Variants in METTL8 observed in about 807,000 individuals in gnomAD.
METTL8 encodes the protein tRNA N(3)-cytidine methyltransferase METTL8, mitochondrial.
METTL8 carries 32 observed loss-of-function variants against 48.7 expected under a neutral mutation model. That is an observed-to-expected ratio of 0.66 (90% CI 0.50 to 0.88). METTL8 has a LOEUF of 0.88. METTL8 is among the 40% of genes least tolerant of loss of function. METTL8 has a pLI of 0.00. For synonymous variants in METTL8, 136 were observed against 157.1 expected (o/e 0.87, Z 1.01); for missense variants, 464 against 474.4 (o/e 0.98, Z 0.20).
At chr2:171,416,345 T>C (rs919633973) in intron 1 of METTL8, among the ~76,000 whole-genome samples, 3 of 152,234 alleles carry the variant, frequency 2.0e-5, no homozygotes, top group Non-Finnish European at 4.4e-5. Context: ...TTCACCTTTG[T>C]ATTCTCCAGC....
At chr2:171,344,012 G>A (rs563649810) in intron 3 of METTL8, among the ~76,000 whole-genome samples, 2 of 152,276 alleles carry the variant, frequency 1.3e-5, no homozygotes, top group East Asian at 3.9e-4. Flanking sequence ...GCAATAGTCA[G>A]GGTTTGCTAA....
chr2:171,370,942 A>G (rs1333911394), intron 2 of METTL8, among the ~76,000 whole-genome samples: 1 of 152,214 alleles, frequency 6.6e-6, no homozygotes, highest in East Asian at 1.9e-4. Flanking sequence ...AGTGCTGGGC[A>G]GGTGGACATA....
At chr2:171,344,770 C>T (rs1249908870) in intron 3 of METTL8, among the ~76,000 whole-genome samples, 1 of 152,154 alleles carries the variant, frequency 6.6e-6, no homozygotes, top group Non-Finnish European at 1.5e-5. Flanking sequence ...CTCCATAGTT[C>T]CCAGTAATGT....
At chr2:171,396,336 T>C (rs1689064018) in intron 1 of METTL8, among the ~76,000 whole-genome samples, 1 of 152,132 alleles carries the variant, frequency 6.6e-6, no homozygotes, top group Non-Finnish European at 1.5e-5. Context: ...AGTGTGCTTT[T>C]TGACTATAAT....
At chr2:171,361,493 T>C (rs1685167717) in intron 2 of METTL8, among the ~76,000 whole-genome samples, 1 of 152,158 alleles carries the variant, frequency 6.6e-6, no homozygotes, top group Admixed American at 6.5e-5. Flanking sequence ...CCGACAAACA[T>C]TGAGCAGTTA....
Position 171,354,654 on chromosome 2 carries a change from GT to G in METTL8, c.235+5767del, listed in dbSNP as rs1684324033. Reference sequence around the variant, plus strand: ...CCCATATTACTTGGAGGCTTTGTTCGTTTCTTTTTACTCTTTTTTCTCTAAA... The same window carrying G: ...CCCATATTACTTGGAGGCTTTGTTCGTTCTTTTTACTCTTTTTTCTCTAAA... On this transcript the variant is annotated intron_variant, in intron 3 of 9. Coordinates refer to ENST00000375258, the MANE Select transcript of METTL8 (RefSeq NM_001321154.2). Among the ~76,000 whole-genome samples, 3 of 152,164 alleles carry G rather than the reference GT, an allele frequency of 2.0e-5. No individual in the cohort carries two copies. The South Asian group carries it at 6.2e-4, about 32-fold the overall frequency.
At chr2:171,427,349 T>G (rs375419041) in intron 1 of METTL8, among the ~76,000 whole-genome samples, 1 of 152,208 alleles carries the variant, frequency 6.6e-6, no homozygotes, top group African/African-American at 2.4e-5. Flanking sequence ...TTCCACTCTA[T>G]AGCCATAATG....
chr2:171,427,255 G>A (rs772788573), intron 1 of METTL8, among the ~76,000 whole-genome samples: 5 of 151,942 alleles, frequency 3.3e-5, no homozygotes, highest in Non-Finnish European at 5.9e-5. Flanking sequence ...TACCACTCTA[G>A]TCCAAAACAC....
chr2:171,369,680 T>C (rs1475115648), intron 2 of METTL8, among the ~76,000 whole-genome samples: 1 of 152,198 alleles, frequency 6.6e-6, no homozygotes, highest in East Asian at 1.9e-4. Flanking sequence ...GAGACCAAAA[T>C]GTTTGAAACT....
chr2:171,379,418 C>T (rs982311189), intron 2 of METTL8, among the ~76,000 whole-genome samples: 1 of 151,234 alleles, frequency 6.6e-6, no homozygotes, highest in Non-Finnish European at 1.5e-5. Flanking sequence ...CAGAGCAGAA[C>T]TGAAGGAGAT....
At chr2:171,370,060 C>T (rs1686154933) in intron 2 of METTL8, among the ~76,000 whole-genome samples, 1 of 145,900 alleles carries the variant, frequency 6.9e-6, no homozygotes, top group Admixed American at 6.9e-5. Context: ...AGAGAGACTC[C>T]ATCTCAAAAA....
At chr2:171,425,517 T>C (rs1416458535) in intron 1 of METTL8, among the ~76,000 whole-genome samples, 1 of 152,194 alleles carries the variant, frequency 6.6e-6, no homozygotes, top group East Asian at 1.9e-4. Flanking sequence ...AAAAGGGCCA[T>C]GAGGCAGGGA....
At chr2:171,421,057 G>C (rs1365022647) in intron 1 of METTL8, among the ~76,000 whole-genome samples, 1 of 152,080 alleles carries the variant, frequency 6.6e-6, no homozygotes, top group Non-Finnish European at 1.5e-5. Context: ...AGTCAGAAAG[G>C]AAAGAGAAAT....
intron 3 of METTL8, among the ~76,000 whole-genome samples, chr2:171,350,214 T>C (rs1683745944): frequency 6.6e-6 from 1 of 152,214 alleles, no homozygotes; most frequent in East Asian, 1.9e-4. Flanking sequence ...TATGTGGTGT[T>C]TGCTTTTCTG....
At chr2:171,331,914 C>T (rs771638525) in intron 5 of METTL8, 47 bp from the exon 6 acceptor site, 3 of 1,407,848 alleles carry the variant, frequency 2.1e-6, no homozygotes, top group Non-Finnish European at 2.9e-6. Context: ...GAGACAGGGT[C>T]TTGCGCTGTT....
chr2:171,420,194 T>C (rs1691732078), intron 1 of METTL8, among the ~76,000 whole-genome samples: 1 of 152,130 alleles, frequency 6.6e-6, no homozygotes, highest in Non-Finnish European at 1.5e-5. Context: ...CTACAAAAAA[T>C]ATAAAAATTT....
At position 171,316,508 on chromosome 2, in the gene METTL8, G is replaced by A. The variant is rs1345473838; in HGVS notation, c.*7664C>T. Among the ~76,000 whole-genome samples the A allele has an allele frequency of 6.6e-6, 1 of 152,208 alleles. No individual in the cohort carries two copies. The highest frequency in any genetic ancestry group is 1.5e-5 in the Non-Finnish European group (1 of 68,034). On this transcript the variant is annotated 3_prime_UTR_variant, in exon 10 of 10. Coordinates refer to ENST00000375258, the MANE Select transcript of METTL8 (RefSeq NM_001321154.2). Reference sequence around the variant, plus strand: ...GTAAAACAAGGAAGATTATAATGAAGCTTTGTCTCACTAATCTCCAGAGCC... The same window carrying A: ...GTAAAACAAGGAAGATTATAATGAAACTTTGTCTCACTAATCTCCAGAGCC...
At chr2:171,354,064 T>C (rs1684254062) in intron 3 of METTL8, among the ~76,000 whole-genome samples, 1 of 152,234 alleles carries the variant, frequency 6.6e-6, no homozygotes, top group Admixed American at 6.5e-5. Flanking sequence ...TCGATGGTCT[T>C]TACAATTTGG....
chr2:171,358,653 C>T (rs1684841864), intron 3 of METTL8, among the ~76,000 whole-genome samples: 1 of 152,016 alleles, frequency 6.6e-6, no homozygotes, highest in Non-Finnish European at 1.5e-5. Context: ...ATATAAAAAT[C>T]AAATCAAAAT....
Sources: gnomAD v4.1 joint callset for allele counts (sites outside exome capture counted in the v4.1 genomes callset) on GRCh38, gnomAD v4.1.1 for gene constraint, MANE v1.5 for transcripts, NCBI Gene and HGNC (gene_info 2026-07-23, HGNC 2026-07-21) for gene names.